Variants in CNTNAP2 observed in about 807,000 individuals in gnomAD.
CNTNAP2 encodes contactin-associated protein-like 2.
A neutral mutation model predicts 155.2 loss-of-function variants in CNTNAP2; 98 were observed. The observed-to-expected ratio is 0.63, with a 90% confidence interval of 0.54 to 0.75. CNTNAP2 has a LOEUF of 0.75. Ranked by LOEUF, CNTNAP2 falls within the 30% of genes least tolerant of loss-of-function variation. The pLI is 0.00. For synonymous variants in CNTNAP2, 651 were observed against 631.2 expected, an observed-to-expected ratio of 1.03 and a Z score of -0.47; for missense variants, 1,727 against 1,688.1, an observed-to-expected ratio of 1.02 and a Z score of -0.40.
chr7:146,850,485 G>T (rs949732209), intron 3 of CNTNAP2, among the ~76,000 whole-genome samples: 7 of 152,086 alleles, frequency 4.6e-5, no homozygotes, highest in Admixed American at 4.6e-4. Context: ...ACTTATTGGG[G>T]GTTCCTTAAG....
intron 20 of CNTNAP2, among the ~76,000 whole-genome samples, chr7:148,253,699 T>A (rs762769661): frequency 3.9e-5 from 6 of 152,170 alleles, no homozygotes; most frequent in Non-Finnish European, 8.8e-5. Flanking sequence ...CCTGTGACAG[T>A]CATTCATCTG....
intron 1 of CNTNAP2, among the ~76,000 whole-genome samples, chr7:146,571,870 T>A (rs965977606): frequency 2.6e-5 from 4 of 152,094 alleles, no homozygotes; most frequent in Admixed American, 2.0e-4. Context: ...TAGCTGGGAT[T>A]ACAGGCGCCC....
intron 9 of CNTNAP2, among the ~76,000 whole-genome samples, chr7:147,313,414 T>G (rs1030767006): frequency 2.0e-5 from 3 of 151,478 alleles, no homozygotes; most frequent in East Asian, 2.0e-4. Flanking sequence ...TTTAAGTCTT[T>G]AATCCATCTT....
chr7:147,460,128 A>G (rs2022224), intron 10 of CNTNAP2, among the ~76,000 whole-genome samples: 83,337 of 151,720 alleles, frequency 0.55, 23,097 homozygotes, highest in East Asian at 0.68. Flanking sequence ...GTATCCCAGA[A>G]CTTAAAAAAA....
At chr7:148,099,868 G>GTTTT (rs751537152) in intron 15 of CNTNAP2, among the ~76,000 whole-genome samples, 87 of 88,808 alleles carry the variant, frequency 9.8e-4, no homozygotes, top group African/African-American at 1.4e-3. Flanking sequence ...TTTTTTTTTG[G>GTTTT]TTTTTTTTTT....
At chr7:147,494,910 C>T (rs1156553485) in intron 11 of CNTNAP2, among the ~76,000 whole-genome samples, 3 of 152,084 alleles carry the variant, frequency 2.0e-5, no homozygotes, top group Non-Finnish European at 4.4e-5. Flanking sequence ...TAATAAGTTT[C>T]TATGACAAGT....
At chr7:146,137,087 C>T (rs980916566) in intron 1 of CNTNAP2, among the ~76,000 whole-genome samples, 1 of 152,112 alleles carries the variant, frequency 6.6e-6, no homozygotes, top group African/African-American at 2.4e-5. Flanking sequence ...CAGTTATTCA[C>T]CTGTGTTAGG....
chr7:147,132,635 C>G, intron 8 of CNTNAP2, 126 bp downstream of exon 8: 2 of 1,280,356 alleles, frequency 1.6e-6, no homozygotes, highest in Admixed American at 1.9e-5. Flanking sequence ...ATCTTCAAGA[C>G]GCTTACTTGG....
chr7:148,352,049 T>A (rs1253507379), intron 21 of CNTNAP2, among the ~76,000 whole-genome samples: 2 of 152,196 alleles, frequency 1.3e-5, no homozygotes, highest in Non-Finnish European at 2.9e-5. Context: ...TGTGCGTATC[T>A]TCTCCAAAGG....
At chr7:146,205,968 A>G (rs1226866201) in intron 1 of CNTNAP2, among the ~76,000 whole-genome samples, 2 of 151,936 alleles carry the variant, frequency 1.3e-5, no homozygotes, top group African/African-American at 4.8e-5. Context: ...GCTCCTATGC[A>G]GAGCCTATTA....
chr7:148,175,816 C>T (rs540559173), intron 18 of CNTNAP2, among the ~76,000 whole-genome samples: 35 of 152,022 alleles, frequency 2.3e-4, no homozygotes, highest in Non-Finnish European at 2.1e-4. Context: ...TTCTGTTTTT[C>T]CCTCCTCTCC....
chr7:147,761,727 TTG>T (rs1185735661), intron 13 of CNTNAP2, among the ~76,000 whole-genome samples: 1 of 152,222 alleles, frequency 6.6e-6, no homozygotes, highest in Non-Finnish European at 1.5e-5. Flanking sequence ...ATGGTAATAA[TTG>T]TGTATATTCA....
chr7:146,506,652 A>T (rs533646998), intron 1 of CNTNAP2, among the ~76,000 whole-genome samples: 1 of 152,314 alleles, frequency 6.6e-6, no homozygotes, highest in South Asian at 2.1e-4. Context: ...GTGACCAACT[A>T]GCTAATTCTG....
intron 14 of CNTNAP2, among the ~76,000 whole-genome samples, chr7:147,959,130 A>G (rs944027403): frequency 1.3e-5 from 2 of 152,220 alleles, no homozygotes; most frequent in African/African-American, 4.8e-5. Context: ...AATTGCATTT[A>G]CCTGGTTCCC....
intron 13 of CNTNAP2, among the ~76,000 whole-genome samples, chr7:147,868,762 A>G (rs1433063752): frequency 1.3e-5 from 2 of 152,208 alleles, no homozygotes; most frequent in African/African-American, 2.4e-5. Context: ...CTCCATGGGC[A>G]TGGGACCCTC....
chr7:147,506,445 A>G (rs1316616864), intron 11 of CNTNAP2, among the ~76,000 whole-genome samples: 1 of 152,012 alleles, frequency 6.6e-6, no homozygotes, highest in Admixed American at 6.5e-5. Flanking sequence ...AGTAGAGACA[A>G]GGTTTCTCCA....
At chr7:147,073,266 G>A (rs1352271548) in intron 4 of CNTNAP2, among the ~76,000 whole-genome samples, 3 of 150,698 alleles carry the variant, frequency 2.0e-5, no homozygotes, top group South Asian at 2.1e-4. Context: ...GCAGGGACAC[G>A]GATGAAACTG....
chr7:146,358,103 C>T (rs975470312), intron 1 of CNTNAP2, among the ~76,000 whole-genome samples: 2 of 151,962 alleles, frequency 1.3e-5, no homozygotes, highest in Non-Finnish European at 2.9e-5. Flanking sequence ...GGCATGATCT[C>T]GGCTCACTGC....
At chr7:147,881,790 G>T (rs1161983086) in intron 13 of CNTNAP2, among the ~76,000 whole-genome samples, 1 of 152,038 alleles carries the variant, frequency 6.6e-6, no homozygotes, top group Admixed American at 6.6e-5. Context: ...GGCCAACAAC[G>T]GTGAAACCCC....
Sources: allele counts gnomAD v4.1 joint callset (sites outside exome capture counted in the v4.1 genomes callset), GRCh38; gene constraint gnomAD v4.1.1; transcripts MANE v1.5; gene names NCBI Gene and HGNC (gene_info 2026-07-23, HGNC 2026-07-21).